SPECC1: variants seen among roughly 807,000 people sequenced by gnomAD.
SPECC1 encodes the protein cytospin-B.
Under a neutral mutation model 104.1 loss-of-function variants are expected in SPECC1, and 62 were observed. The ratio of observed to expected loss-of-function variants is 0.60; its 90% confidence interval spans 0.49 to 0.74. The LOEUF (loss-of-function observed/expected upper bound fraction) is 0.74, where lower values mean the gene tolerates loss of function less well. Among genes scored for constraint, SPECC1 ranks in the 30% least tolerant of loss-of-function variants. The pLI is 0.00. For missense variants in SPECC1, 1,306 were observed against 1,310.5 expected (o/e 1.00, Z 0.05); for synonymous variants, 513 against 501.6 (o/e 1.02, Z -0.30).
intron 3 of SPECC1, among the ~76,000 whole-genome samples, chr17:20,201,799 GCTGACCCATGAACAACA>G (rs1403465571): frequency 6.6e-6 from 1 of 152,068 alleles, no homozygotes; most frequent in African/African-American, 2.4e-5. Flanking sequence ...TATAAGTAAG[GCTGACCCATGAACAACA>G]CTAGCTTGAA....
At chr17:20,037,566 A>T (rs1376780265) in intron 1 of SPECC1, among the ~76,000 whole-genome samples, 1 of 151,370 alleles carries the variant, frequency 6.6e-6, no homozygotes, top group East Asian at 1.9e-4. Flanking sequence ...GTCCTTATAC[A>T]GTTCTAGTAT....
At chr17:20,267,293 C>A (rs1209213002) in intron 12 of SPECC1, among the ~76,000 whole-genome samples, 1 of 152,196 alleles carries the variant, frequency 6.6e-6, no homozygotes, top group Non-Finnish European at 1.5e-5. Context: ...GCAGGCCTGA[C>A]TCAGATAACT....
intron 7 of SPECC1, among the ~76,000 whole-genome samples, chr17:20,235,040 C>T (rs2038827085): frequency 6.6e-6 from 1 of 152,268 alleles, no homozygotes; most frequent in South Asian, 2.1e-4. Context: ...CAACCAGTAA[C>T]ATCTCATTCT....
rs552651716 is a variant in SPECC1, at chr17:20,200,120, G to C, written c.284-4213G>C. On this transcript the variant is annotated intron_variant, in intron 3 of 14. Transcript: ENST00000395527. ...TTAATTTGCATTTCCCTGATGATTA[G>C]TGCATTTTTTTCATATACAGTTTGG... Among the ~76,000 whole-genome samples the C allele has an allele frequency of 2.0e-5, 3 of 152,290 alleles. No individual in the cohort carries two copies. The East Asian group carries it at 5.8e-4, about 29-fold the overall frequency.
chr17:20,110,589 G>A (rs373534459), intron 3 of SPECC1, 27 bp downstream of exon 3: 19 of 1,596,938 alleles, frequency 1.2e-5, no homozygotes, highest in African/African-American at 2.7e-5. Flanking sequence ...AGGTGGGCTC[G>A]GCAGGCCATC....
chr17:20,265,849 A>T (rs1427740150), intron 12 of SPECC1, among the ~76,000 whole-genome samples: 1 of 152,136 alleles, frequency 6.6e-6, no homozygotes, highest in African/African-American at 2.4e-5. Flanking sequence ...CTGAATAGGG[A>T]ATTCTCTTCC....
At chr17:20,166,730 C>G (rs905256287) in intron 3 of SPECC1, among the ~76,000 whole-genome samples, 1 of 152,166 alleles carries the variant, frequency 6.6e-6, no homozygotes, top group African/African-American at 2.4e-5. Flanking sequence ...GTCTGTTTCA[C>G]TCTTCTCTTT....
chr17:20,146,569 G>A (rs1207816457), intron 3 of SPECC1, among the ~76,000 whole-genome samples: 2 of 152,182 alleles, frequency 1.3e-5, no homozygotes, highest in African/African-American at 2.4e-5. Context: ...TAGATATCAA[G>A]AAGCTCAACT....
rs2151355457 is a variant in SPECC1 at position 20,205,773 on chromosome 17, C to T, written c.1724C>T (p.Ala575Val). 1 of 1,614,140 alleles carries T rather than the reference C, an allele frequency of 6.2e-7. No homozygotes were observed. The highest frequency in any genetic ancestry group is 2.2e-5 in the East Asian group (1 of 44,878). Residue 575 changes from alanine (A) to valine (V), a missense_variant, in exon 4 of 15, where the codon GCA (alanine) becomes GTA (valine). By Grantham distance (64) the Ala-to-Val change is moderately conservative. Around this residue, in one of 2 missense-constraint regions of SPECC1, gnomAD observed 1,177 missense variants for 1,139.9 expected, o/e 1.03. Coordinates refer to ENST00000395527, the MANE Select transcript of SPECC1 (RefSeq NM_001243439.2). ...GAGGCCAGTGCTGTGGAGCAGACGG[C>T]AGAGAGCTGCGAAGTTCAAGAAATG... ...ATEASAVEQTAESCEVQEMLK... is the reference protein window; with the variant it reads ...ATEASAVEQTVESCEVQEMLK...
At chr17:20,282,914 C>T (rs939233933) in intron 12 of SPECC1, among the ~76,000 whole-genome samples, 1 of 152,158 alleles carries the variant, frequency 6.6e-6, no homozygotes, top group African/African-American at 2.4e-5. Flanking sequence ...TGCAGTGGCT[C>T]ACGCCTGTAA....
chr17:20,062,692 A>AT (rs112506359), intron 1 of SPECC1, among the ~76,000 whole-genome samples: 2,972 of 143,018 alleles, frequency 0.021, 70 homozygotes, highest in African/African-American at 0.057. Context: ...CAAGAAATAC[A>AT]TTTTTTTTTT....
intron 1 of SPECC1, among the ~76,000 whole-genome samples, chr17:20,019,382 C>G (rs1056395990): frequency 6.6e-6 from 1 of 151,990 alleles, no homozygotes; most frequent in Non-Finnish European, 1.5e-5. Context: ...GTCAGATGGT[C>G]ATGAATTTTT....
chr17:20,303,250 A>T (rs2041651997), intron 13 of SPECC1, among the ~76,000 whole-genome samples: 1 of 152,256 alleles, frequency 6.6e-6, no homozygotes, highest in Non-Finnish European at 1.5e-5. Context: ...AAAATAGGAG[A>T]TTGCTGCCAT....
chr17:20,181,455 G>GA lies in SPECC1; in HGVS notation c.284-22873dup, dbSNP rs1362680782. Among the ~76,000 whole-genome samples, 5 of 152,066 alleles carry GA rather than the reference G, an allele frequency of 3.3e-5. 1 individual carries two copies. The highest frequency in any genetic ancestry group is 3.3e-4 in the Admixed American group (5 of 15,264). ...CCATTGTTATAGGTATGGAATAAAT[G>GA]AAAAATTAAATCTGCAGCAATATTT... On this transcript the variant is annotated intron_variant, in intron 3 of 14. Coordinates refer to ENST00000395527, the MANE Select transcript of SPECC1 (RefSeq NM_001243439.2).
chr17:20,164,418 A>C (rs930714638), intron 3 of SPECC1, among the ~76,000 whole-genome samples: 1 of 151,786 alleles, frequency 6.6e-6, no homozygotes, highest in Non-Finnish European at 1.5e-5. Context: ...CCTCTCACCT[A>C]AGCCTCCCAA....
At chr17:20,043,363 A>C (rs963460389) in intron 1 of SPECC1, among the ~76,000 whole-genome samples, 1 of 152,210 alleles carries the variant, frequency 6.6e-6, no homozygotes, top group Non-Finnish European at 1.5e-5. Context: ...CAGTGGTTTT[A>C]GCATGTCTAG....
chr17:20,056,895 A>G (rs1181614667), intron 1 of SPECC1, among the ~76,000 whole-genome samples: 1 of 152,164 alleles, frequency 6.6e-6, no homozygotes. Context: ...GTGATCTTTG[A>G]TAGTATCTAT....
intron 1 of SPECC1, among the ~76,000 whole-genome samples, chr17:20,085,311 T>C (rs1233763219): frequency 6.6e-6 from 1 of 152,194 alleles, no homozygotes; most frequent in Non-Finnish European, 1.5e-5. Context: ...TCCCTCTTTA[T>C]TTTGAAAGTC....
chr17:20,084,274 T>C (rs1163843523), intron 1 of SPECC1, among the ~76,000 whole-genome samples: 1 of 151,960 alleles, frequency 6.6e-6, no homozygotes, highest in African/African-American at 2.4e-5. Context: ...ACTAAAAATA[T>C]AAAAATTAGT....
Sources: allele counts gnomAD v4.1 joint callset (sites outside exome capture counted in the v4.1 genomes callset), GRCh38; gene constraint gnomAD v4.1.1; regional missense constraint gnomAD v4.1.1; transcripts MANE v1.5; gene names NCBI Gene and HGNC (gene_info 2026-07-23, HGNC 2026-07-21).